The following ATG5 variants were observed in gnomAD, a reference collection of about 807,000 sequenced individuals.
The protein encoded by ATG5 is autophagy protein 5.
A neutral mutation model predicts 36.5 loss-of-function variants in ATG5; 14 were observed. The ratio of observed to expected loss-of-function variants is 0.38; its 90% CI spans 0.25 to 0.60. The LOEUF (loss-of-function observed/expected upper bound fraction) is 0.60. ATG5 is among the 20% of genes least tolerant of loss of function. The pLI is 0.60. For missense variants in ATG5, 195 were observed against 326.7 expected (o/e 0.60, Z 3.11); for synonymous variants, 95 against 101.5 (o/e 0.94, Z 0.38).
chr6:106,301,968 G>C (rs1185983982), intron 3 of ATG5, among the ~76,000 whole-genome samples: 2 of 152,034 alleles, frequency 1.3e-5, no homozygotes, highest in East Asian at 3.8e-4. Context: ...GCTGGGATTT[G>C]AAATCTGGTT....
At chr6:106,235,097 A>G (rs1458313541) in intron 6 of ATG5, among the ~76,000 whole-genome samples, 1 of 152,178 alleles carries the variant, frequency 6.6e-6, no homozygotes, top group Non-Finnish European at 1.5e-5. Flanking sequence ...GAGCTTCAAA[A>G]ACACCAGACC....
In ATG5 at chr6:106,234,378, A is replaced by G. The variant is rs546458198; in HGVS notation, c.573+13772T>C. 4.6e-5 allele frequency among the ~76,000 whole-genome samples: 7 copies of G among 152,280 alleles called. No individual in the cohort carries two copies. In the South Asian group the frequency reaches 6.2e-4, roughly 14 times the overall value. Reference sequence around the variant, plus strand: ...CCATGCATTTCAATCCCTGTACCTGAACAATGGAACAACTACAGCACAGAA... The same window carrying G: ...CCATGCATTTCAATCCCTGTACCTGGACAATGGAACAACTACAGCACAGAA... On this transcript the variant is annotated intron_variant, in intron 6 of 7. Transcript: ENST00000369076.
intron 2 of ATG5, among the ~76,000 whole-genome samples, chr6:106,314,905 G>C (rs1770783780): frequency 6.6e-6 from 1 of 152,110 alleles, no homozygotes; most frequent in Admixed American, 6.5e-5. Context: ...ATATAAGCTT[G>C]AGTACCAGTA....
intron 6 of ATG5, among the ~76,000 whole-genome samples, chr6:106,212,415 C>T (rs928373092): frequency 1.3e-5 from 2 of 152,150 alleles, no homozygotes; most frequent in South Asian, 2.1e-4. Context: ...CCAAGGCGGG[C>T]GGATCACCTG....
intron 3 of ATG5, among the ~76,000 whole-genome samples, chr6:106,305,992 C>A (rs1770430192): frequency 6.6e-6 from 1 of 152,068 alleles, no homozygotes; most frequent in Non-Finnish European, 1.5e-5. Flanking sequence ...AAAGATGCAT[C>A]AAAAGTCATA....
At chr6:106,292,778 C>T (rs573850811) in intron 4 of ATG5, among the ~76,000 whole-genome samples, 1 of 152,048 alleles carries the variant, frequency 6.6e-6, no homozygotes, top group East Asian at 1.9e-4. Flanking sequence ...CCCAAAAACT[C>T]GTAAATTTTA....
At chr6:106,278,596 A>G (rs1779751062) in intron 5 of ATG5, among the ~76,000 whole-genome samples, 1 of 152,180 alleles carries the variant, frequency 6.6e-6, no homozygotes, top group South Asian at 2.1e-4. Flanking sequence ...AGCCATGTCA[A>G]CATTTCCAAA....
intron 6 of ATG5, among the ~76,000 whole-genome samples, chr6:106,208,019 G>A (rs765548765): frequency 9.9e-5 from 15 of 152,182 alleles, no homozygotes; most frequent in Non-Finnish European, 2.2e-4. Context: ...TTGAACCCAG[G>A]GGGCGGAGGT....
chr6:106,198,430 AAACTTGATAG>A (rs1776287638), intron 7 of ATG5, among the ~76,000 whole-genome samples: 1 of 152,196 alleles, frequency 6.6e-6, no homozygotes, highest in Admixed American at 6.5e-5. Flanking sequence ...CCATTAAAAA[AAACTTGATAG>A]ACAGGAATTC....
At chr6:106,234,805 T>TTGTA (rs1259694205) in intron 6 of ATG5, among the ~76,000 whole-genome samples, 1 of 152,218 alleles carries the variant, frequency 6.6e-6, no homozygotes, top group East Asian at 1.9e-4. Context: ...TACTCAGTTC[T>TTGTA]ACTACAAACT....
At chr6:106,309,641 G>A (rs534570863) in intron 2 of ATG5, among the ~76,000 whole-genome samples, 2 of 152,062 alleles carry the variant, frequency 1.3e-5, no homozygotes, top group African/African-American at 4.8e-5. Context: ...AAGTATTATC[G>A]CCCCTGTTTT....
In ATG5 at chr6:106,251,640, A is replaced by AGG. The variant is rs1274810142; in HGVS notation, c.479-3397_479-3396insCC. Among the ~76,000 whole-genome samples, 41 of 58,086 alleles carry AGG rather than the reference A, an allele frequency of 7.1e-4. 3 individuals are homozygous for AGG. Among genetic ancestry groups the AGG allele is most frequent in the Non-Finnish European group, 8.5e-4 (25 of 29,350 alleles). 38.1% of individuals were successfully genotyped at this position (58,086 alleles called of 152,430 possible). A position where few individuals can be genotyped will look rare whatever the true frequency, so the allele number is the denominator to read the frequency against. On this transcript the variant is annotated intron_variant, in intron 5 of 7. Transcript: ENST00000369076. ...AGCTAAAAACACCCTAATCAGAGAG[A>AGG]GAGAGAGGGAGGGAGGGAGGAAGGG...
chr6:106,302,489 T>C (rs796069323), intron 3 of ATG5, among the ~76,000 whole-genome samples: 4 of 151,826 alleles, frequency 2.6e-5, no homozygotes, highest in South Asian at 4.1e-4. Flanking sequence ...CTAAAAGTAA[T>C]AGTATTAAAA....
chr6:106,250,952 G>A (rs1321974269), intron 5 of ATG5, among the ~76,000 whole-genome samples: 1 of 152,238 alleles, frequency 6.6e-6, no homozygotes, highest in Non-Finnish European at 1.5e-5. Context: ...GCTAAAAGAA[G>A]TTGTAGGAGA....
intron 7 of ATG5, among the ~76,000 whole-genome samples, chr6:106,196,443 G>A (rs142406615): frequency 1.8e-4 from 28 of 152,298 alleles, no homozygotes; most frequent in African/African-American, 4.1e-4. Flanking sequence ...GTTAAGAGAC[G>A]TTTGGCACAA....
chr6:106,267,010 G>A (rs1280941501), intron 5 of ATG5, among the ~76,000 whole-genome samples: 1 of 152,102 alleles, frequency 6.6e-6, no homozygotes, highest in Non-Finnish European at 1.5e-5. Flanking sequence ...AGGGCAATCA[G>A]GCAAGAGAAA....
chr6:106,211,435 G>A (rs575877542), intron 6 of ATG5, among the ~76,000 whole-genome samples: 2 of 152,366 alleles, frequency 1.3e-5, no homozygotes, highest in East Asian at 3.9e-4. Flanking sequence ...GACAGGCCGG[G>A]CGTGGTGGCT....
chr6:106,226,617 T>C (rs984146008), intron 6 of ATG5, among the ~76,000 whole-genome samples: 2 of 152,234 alleles, frequency 1.3e-5, no homozygotes, highest in African/African-American at 4.8e-5. Context: ...TTTTTGTCAC[T>C]ACAGATTAGT....
intron 2 of ATG5, among the ~76,000 whole-genome samples, chr6:106,311,832 CT>C (rs539005722): frequency 2.4e-3 from 339 of 141,262 alleles, no homozygotes; most frequent in Middle Eastern, 3.8e-3. Flanking sequence ...TGATCTCCTT[CT>C]TTTTTTTTTT....
Sources: allele counts gnomAD v4.1 joint callset (sites outside exome capture counted in the v4.1 genomes callset), GRCh38; gene constraint gnomAD v4.1.1; transcripts MANE v1.5; gene names NCBI Gene and HGNC (gene_info 2026-07-23, HGNC 2026-07-21).